The following KAT6B variants were observed in gnomAD, a reference collection of about 807,000 sequenced individuals.
The protein encoded by KAT6B is histone acetyltransferase KAT6B.
In KAT6B, 10 loss-of-function variants were observed where a neutral mutation model predicts 187.5. The observed-to-expected ratio is 0.05, with a 90% CI of 0.03 to 0.09. The LOEUF (loss-of-function observed/expected upper bound fraction) is 0.09, where lower values mean the gene tolerates loss of function less well. Among genes scored for constraint, KAT6B ranks in the 10% least tolerant of loss-of-function variants. The pLI, the probability that KAT6B is intolerant of heterozygous loss-of-function variation, is 1.00. For missense variants in KAT6B, 1,952 were observed against 2,558.9 expected, an observed-to-expected ratio of 0.76 and a Z score of 5.12; for synonymous variants, 861 against 926.8, an observed-to-expected ratio of 0.93 and a Z score of 1.29.
At chr10:74,991,115 A>G (rs764305233) in intron 13 of KAT6B, among the ~76,000 whole-genome samples, 15 of 152,116 alleles carry the variant, frequency 9.9e-5, no homozygotes, top group Admixed American at 2.6e-4. Context: ...ATTTTATCTT[A>G]TACCATATTC....
chr10:74,978,671 A>C (rs1432211046), intron 9 of KAT6B, among the ~76,000 whole-genome samples: 2 of 152,230 alleles, frequency 1.3e-5, no homozygotes, highest in Non-Finnish European at 2.9e-5. Flanking sequence ...TGGCAGGCAG[A>C]GTTCTTAACC....
intron 13 of KAT6B, among the ~76,000 whole-genome samples, chr10:74,994,781 G>A (rs986634534): frequency 1.3e-5 from 2 of 149,746 alleles, no homozygotes; most frequent in Admixed American, 6.6e-5. Flanking sequence ...CAGTCTGGGT[G>A]AAAAAGCAAG....
intron 3 of KAT6B, among the ~76,000 whole-genome samples, chr10:74,943,358 G>C (rs953363302): frequency 1.3e-5 from 2 of 152,160 alleles, no homozygotes; most frequent in African/African-American, 2.4e-5. Flanking sequence ...CATGTTCATA[G>C]AAGACTGATA....
At position 75,030,773 on chromosome 10, in the gene KAT6B, C is replaced by T. The variant is rs745470061; in HGVS notation, c.5949C>T (p.Asn1983=). 1 of 1,614,048 alleles carries T rather than the reference C, an allele frequency of 6.2e-7. No individual in the cohort carries two copies. The highest frequency in any genetic ancestry group is 8.5e-7 in the Non-Finnish European group (1 of 1,180,030). The change falls in exon 18 of 18, where the codon AAC becomes AAT. Residue 1983 remains asparagine, a synonymous_variant. Coordinates refer to ENST00000287239, the MANE Select transcript of KAT6B (RefSeq NM_012330.4). This position sits in a 1 kb window ranked among gnomAD's most constrained non-coding sequence, Gnocchi z 4.8. ...PAPAYNVNSV[N]MNMNTLNAMN... is the part of the protein sequence containing the mutation. ...CAGCCTACAATGTCAACTCTGTGAA[C>T]ATGAACATGAACACTCTCAACGCCA...
intron 13 of KAT6B, among the ~76,000 whole-genome samples, chr10:74,990,506 G>A (rs1444260959): frequency 6.6e-6 from 1 of 152,104 alleles, no homozygotes; most frequent in East Asian, 1.9e-4. Flanking sequence ...TGAAGAATAT[G>A]ATTCTTTTAA....
Position 74,843,195 on chromosome 10 carries a change from G to A in KAT6B, c.338G>A (p.Arg113Lys), listed in dbSNP as rs1371266454. The A allele has an allele frequency of 1.9e-6, 3 of 1,614,104 alleles. No individual in the cohort carries two copies. The African/African-American group carries it at 4.0e-5, about 22-fold the overall frequency. The change falls in exon 3 of 18, where the codon AGA becomes AAA. Residue 113 changes from arginine (R) to lysine (K), a missense_variant. By Grantham distance (26) the Arg-to-Lys change is conservative. Around this residue, in one of 9 missense-constraint regions of KAT6B, gnomAD observed 218 missense variants for 282.6 expected, o/e 0.77. Transcript: ENST00000287239. ...RNVDWNKLLR[R>K]AIEGLEEPNG... is the part of the protein sequence containing the mutation. The stretch of plus-strand genomic sequence containing the variant: ...GTGGATTGGAATAAACTTTTAAGGA[G>A]AGCAATTGAAGGACTTGAGGAGCCG...
At chr10:74,962,346 G>T (rs961638772) in intron 4 of KAT6B, among the ~76,000 whole-genome samples, 1 of 152,142 alleles carries the variant, frequency 6.6e-6, no homozygotes, top group Non-Finnish European at 1.5e-5. Context: ...GAAAACAATA[G>T]GCCAGCATAC....
chr10:74,907,338 T>C (rs1240642655), intron 3 of KAT6B, among the ~76,000 whole-genome samples: 3 of 152,162 alleles, frequency 2.0e-5, no homozygotes, highest in Non-Finnish European at 2.9e-5. Flanking sequence ...GAGAGGGTGT[T>C]ACTGTGTTCC....
At chr10:75,008,945 A>G (rs181950752) in intron 13 of KAT6B, among the ~76,000 whole-genome samples, 4 of 152,348 alleles carry the variant, frequency 2.6e-5, no homozygotes, top group African/African-American at 9.6e-5. Context: ...CTAAAAAGCA[A>G]TTCTGTATCT....
intron 3 of KAT6B, among the ~76,000 whole-genome samples, chr10:74,948,485 C>G (rs1342281181): frequency 6.6e-6 from 1 of 152,248 alleles, no homozygotes; most frequent in African/African-American, 2.4e-5. Flanking sequence ...TCTCCTCATT[C>G]TACTTTCCTG....
intron 3 of KAT6B, among the ~76,000 whole-genome samples, chr10:74,942,682 T>C (rs1218452944): frequency 6.9e-6 from 1 of 144,936 alleles, no homozygotes; most frequent in Non-Finnish European, 1.5e-5. Context: ...GGAGAATCGC[T>C]TGAACCCGGG....
chr10:75,018,288 AC>A (rs545328747), intron 13 of KAT6B, among the ~76,000 whole-genome samples: 181 of 152,286 alleles, frequency 1.2e-3, no homozygotes, highest in African/African-American at 4.2e-3. Flanking sequence ...AGGGCTGATC[AC>A]CCTGCTGCCA....
chr10:74,928,570 T>G (rs7894793), intron 3 of KAT6B, among the ~76,000 whole-genome samples: 3,739 of 152,268 alleles, frequency 0.025, 157 homozygotes, highest in African/African-American at 0.085. Context: ...GAAGAACAAT[T>G]TGAATCACTG....
At position 74,842,631 on chromosome 10, in the gene KAT6B, C is replaced by T. The variant is rs1692362501; in HGVS notation, c.-227C>T. On this transcript the variant is annotated 5_prime_UTR_variant, in exon 3 of 18. Coordinates refer to ENST00000287239, the MANE Select transcript of KAT6B (RefSeq NM_012330.4). ...ATTTCCCAGTTAAAGATGTTCTTCA[C>T]CCGAATGCAGTCTTTCCTGTTGGTA... 1 of 608,224 alleles carries T rather than the reference C, an allele frequency of 1.6e-6. No individual in the cohort carries two copies. The allele number at this position is 608,224 out of a possible 1,614,324, so 37.7% of individuals were successfully genotyped here. A position where few individuals can be genotyped will look rare whatever the true frequency, so the allele number is the denominator to read the frequency against.
At position 74,926,077 on chromosome 10, in the gene KAT6B, A is replaced by G. The variant is rs373380776; in HGVS notation, c.622-33893A>G. 2.6e-5 allele frequency among the ~76,000 whole-genome samples: 4 copies of G among 152,356 alleles called. No individual in the cohort carries two copies. In the East Asian group the frequency reaches 7.7e-4, roughly 29 times the overall value. On this transcript the variant is annotated intron_variant, in intron 3 of 17. Transcript: ENST00000287239. ...CATATGTGTATTGTGAATCCTCTAT[A>G]ATTGTTGAATTTGACTTTGAAATTA...
At chr10:74,950,443 C>G (rs1246295118) in intron 3 of KAT6B, among the ~76,000 whole-genome samples, 3 of 152,018 alleles carry the variant, frequency 2.0e-5, no homozygotes, top group African/African-American at 7.2e-5. Flanking sequence ...AAATAACGCT[C>G]TGGAAAAAAA....
chr10:74,998,440 T>TA (rs529096549), intron 13 of KAT6B, among the ~76,000 whole-genome samples: 67 of 150,596 alleles, frequency 4.4e-4, no homozygotes, highest in Non-Finnish European at 6.1e-4. Flanking sequence ...AGTAGAAAGT[T>TA]AAAAAAAAAG....
chr10:74,892,533 C>T (rs1845708806), intron 3 of KAT6B, among the ~76,000 whole-genome samples: 2 of 152,082 alleles, frequency 1.3e-5, no homozygotes, highest in Non-Finnish European at 2.9e-5. Flanking sequence ...GTGCACATAG[C>T]AGCTATTATA....
intron 3 of KAT6B, among the ~76,000 whole-genome samples, chr10:74,892,995 G>A (rs1373159897): frequency 1.3e-5 from 2 of 152,246 alleles, no homozygotes; most frequent in African/African-American, 4.8e-5. Context: ...AGGACAGCTG[G>A]CCTGAGTCTT....
Sources: gnomAD v4.1 joint callset for allele counts (sites outside exome capture counted in the v4.1 genomes callset) on GRCh38, gnomAD v4.1.1 for gene constraint, gnomAD v4.1.1 regional missense constraint, Gnocchi (gnomAD v3.1) non-coding constraint, MANE v1.5 for transcripts, NCBI Gene and HGNC (gene_info 2026-07-23, HGNC 2026-07-21) for gene names.